Variants in DNAH17 observed in about 807,000 individuals in gnomAD.
DNAH17 encodes dynein axonemal heavy chain 17.
Under a neutral mutation model 485.6 loss-of-function variants are expected in DNAH17, and 376 were observed. That is an observed-to-expected ratio of 0.77 (90% CI 0.71 to 0.84). The LOEUF (loss-of-function observed/expected upper bound fraction) is 0.84. Ranked by LOEUF, DNAH17 falls within the 40% of genes least tolerant of loss-of-function variation. DNAH17 has a pLI of 0.00. For synonymous variants in DNAH17, 3,031 were observed against 2,405.9 expected (o/e 1.26, Z -7.60); for missense variants, 6,370 against 5,839.3 (o/e 1.09, Z -2.96).
At chr17:78,529,208 G>A (rs138089873) in intron 22 of DNAH17, among the ~76,000 whole-genome samples, 123 of 152,122 alleles carry the variant, frequency 8.1e-4, no homozygotes, top group African/African-American at 2.8e-3. Context: ...CCAAAGTGCT[G>A]GGATTACAAT....
rs768513590 is a variant in DNAH17 at position 78,426,453 on chromosome 17, T to C, written c.12915+4A>G. The C allele has an allele frequency of 2.5e-6, 4 of 1,594,208 alleles. No individual in the cohort carries two copies. Among genetic ancestry groups the C allele is most frequent in the Non-Finnish European group, 3.4e-6 (4 of 1,170,406 alleles). ...GGAAGCCTCTCAGAGAAAACGGCAC[T>C]TACCCTGATGCGGAGCAGCAGGTCT... On this transcript the variant is annotated splice_donor_region_variant and intron_variant, in intron 79 of 80. Coordinates refer to ENST00000389840, the MANE Select transcript of DNAH17 (RefSeq NM_173628.4).
intron 14 of DNAH17, among the ~76,000 whole-genome samples, chr17:78,553,455 C>G (rs1299845746): frequency 6.6e-6 from 1 of 152,016 alleles, no homozygotes; most frequent in Non-Finnish European, 1.5e-5. Context: ...GCATGCGCCA[C>G]CATGCCCAGC....
chr17:78,490,767 C>T lies in DNAH17; in HGVS notation c.6750G>A (p.Thr2250=), dbSNP rs200638287. ...RLVFEISHLR[T]ATPATVSRAG... ...CTCTGGAAACGGTGGCTGGGGTGGC[C>T]GTCCTCAGGTGGCTGATTTCGAACA... Residue 2250 remains threonine, a synonymous_variant, in exon 44 of 81, where the codon ACG becomes ACA. Transcript: ENST00000389840. 1.4e-4 allele frequency: 224 copies of T among 1,605,260 alleles called. 1 individual carries two copies. Among genetic ancestry groups the T allele is most frequent in the Middle Eastern group, 9.9e-4 (6 of 6,044 alleles).
chr17:78,468,478 C>T, intron 55 of DNAH17, 139 bp downstream of exon 55: 1 of 1,169,090 alleles, frequency 8.6e-7, no homozygotes, highest in Non-Finnish European at 1.2e-6. Context: ...GACAGCCCCA[C>T]CCCTCACACT....
At chr17:78,481,525 A>G (rs951068484) in intron 48 of DNAH17, among the ~76,000 whole-genome samples, 3 of 152,174 alleles carry the variant, frequency 2.0e-5, no homozygotes, top group Non-Finnish European at 2.9e-5. Context: ...TCTTCCCCTA[A>G]GCAGTGCTGG....
intron 37 of DNAH17, among the ~76,000 whole-genome samples, chr17:78,498,192 T>G (rs55687030): frequency 0.23 from 31,050 of 134,210 alleles, 3,423 homozygotes; most frequent in South Asian, 0.35. Flanking sequence ...AATAAATAAA[T>G]AAAGCAGGCT....
chr17:78,572,247 C>A (rs978949797), intron 3 of DNAH17, among the ~76,000 whole-genome samples: 3 of 123,312 alleles, frequency 2.4e-5, no homozygotes, highest in African/African-American at 3.5e-5. Context: ...CCTTGGAGTC[C>A]CTTGGGCTTC....
intron 6 of DNAH17, among the ~76,000 whole-genome samples, 184 bp downstream of exon 6, chr17:78,570,764 A>C (rs1001222117): frequency 6.9e-6 from 1 of 145,522 alleles, no homozygotes; most frequent in African/African-American, 2.5e-5. Flanking sequence ...AGGCAGAGGC[A>C]GGAGAATCCC....
chr17:78,477,702 G>T (rs1012332390), intron 51 of DNAH17, among the ~76,000 whole-genome samples: 3 of 152,168 alleles, frequency 2.0e-5, no homozygotes, highest in Admixed American at 1.3e-4. Flanking sequence ...GTGGGAGGAG[G>T]TGGGCATAAC....
At chr17:78,563,492 A>C (rs77645935) in intron 11 of DNAH17, among the ~76,000 whole-genome samples, 6,730 of 140,486 alleles carry the variant, frequency 0.048, 379 homozygotes, top group African/African-American at 0.14. Context: ...AAAAAACCCC[A>C]AAAACCTGAA....
intron 74 of DNAH17, among the ~76,000 whole-genome samples, chr17:78,435,251 G>A (rs948926242): frequency 3.3e-5 from 5 of 152,146 alleles, no homozygotes; most frequent in African/African-American, 7.2e-5. Context: ...GGAAGGCCTG[G>A]CGGGTGTCAC....
chr17:78,502,888 G>A lies in DNAH17; in HGVS notation c.5080C>T (p.Gln1694Ter), dbSNP rs1036039871. Reference sequence around the variant, plus strand: ...CCGAGCCCCCACCCGCCTCAGACCTGGGCTGGGTAGTCCAGGATCCACTGC... The same window carrying A: ...CCGAGCCCCCACCCGCCTCAGACCTAGGCTGGGTAGTCCAGGATCCACTGC... ...REQWILDYPA[Q>*]VALTCTQIWW... is the part of the protein sequence containing the mutation. The change falls in exon 32 of 81, where the codon CAG becomes TAG. Residue 1694 changes from glutamine to a stop codon, truncating the protein, a stop_gained and splice_region_variant. Coordinates refer to ENST00000389840, the MANE Select transcript of DNAH17 (RefSeq NM_173628.4). LOFTEE classifies it high-confidence loss of function. 3.7e-6 allele frequency: 6 copies of A among 1,613,764 alleles called. No individual in the cohort carries two copies. Among genetic ancestry groups the A allele is most frequent in the Non-Finnish European group, 5.1e-6 (6 of 1,179,858 alleles).
At chr17:78,482,818 C>G (rs1431770949) in intron 48 of DNAH17, among the ~76,000 whole-genome samples, 1 of 152,210 alleles carries the variant, frequency 6.6e-6, no homozygotes, top group Non-Finnish European at 1.5e-5. Context: ...AAACTCAAAT[C>G]TCACTCTGCC....
At position 78,485,608 on chromosome 17, in the gene DNAH17, G is replaced by A. The variant is rs757358144; in HGVS notation, c.7425C>T (p.Asp2475=). Residue 2475 remains aspartate, a synonymous_variant, in exon 47 of 81, where the codon GAC becomes GAT. Coordinates refer to ENST00000389840, the MANE Select transcript of DNAH17 (RefSeq NM_173628.4). ...MGDKLESLNT[D]NYLVQAVPFN... ...AGGGCACAGCCTGCACCAGGTAGTT[G>A]TCCGTGTTCAGGCTTTCCAGCTTGT... 6.2e-6 allele frequency: 10 copies of A among 1,613,894 alleles called. No individual in the cohort carries two copies. In the South Asian group the frequency reaches 8.8e-5, roughly 14 times the overall value.
At chr17:78,428,179 C>A (rs1456113587) in intron 77 of DNAH17, 2 of 382,404 alleles carry the variant, frequency 5.2e-6, no homozygotes, top group Non-Finnish European at 1.0e-5. Context: ...GTTGTGCTGG[C>A]CAGGCCAGGG....
At chr17:78,469,721 A>G (rs898714807) in intron 54 of DNAH17, among the ~76,000 whole-genome samples, 1 of 152,246 alleles carries the variant, frequency 6.6e-6, no homozygotes, top group African/African-American at 2.4e-5. Flanking sequence ...CATCTGTGCA[A>G]TGGAATATGA....
chr17:78,511,580 G>A lies in DNAH17; in HGVS notation c.4114-1074C>T, dbSNP rs368414118. Among the ~76,000 whole-genome samples, 170 of 152,322 alleles carry A rather than the reference G, an allele frequency of 1.1e-3. 1 individual carries two copies. Among genetic ancestry groups the A allele is most frequent in the African/African-American group, 2.9e-3 (119 of 41,570 alleles). Reference sequence around the variant, plus strand: ...TACCAGATCACCGTTAGTCTAGTACGAACATACCAGGTACTTGCCTAGTGC... The same window carrying A: ...TACCAGATCACCGTTAGTCTAGTACAAACATACCAGGTACTTGCCTAGTGC... On this transcript the variant is annotated intron_variant, in intron 26 of 80. Transcript: ENST00000389840.
At chr17:78,498,925 G>A (rs2146705717) in intron 37 of DNAH17, 83 bp downstream of exon 37, 2 of 1,073,340 alleles carry the variant, frequency 1.9e-6, no homozygotes, top group East Asian at 2.8e-5. Flanking sequence ...GGCAAGGAGG[G>A]TCTATCTGGC....
chr17:78,453,543 C>T, intron 64 of DNAH17, 78 bp from the exon 65 acceptor site: 3 of 1,575,468 alleles, frequency 1.9e-6, no homozygotes, highest in Non-Finnish European at 1.7e-6. Context: ...ACCAGCAGCC[C>T]CTGCCCTCTG....
Sources: gnomAD v4.1 joint callset for allele counts (sites outside exome capture counted in the v4.1 genomes callset) on GRCh38, gnomAD v4.1.1 for gene constraint, MANE v1.5 for transcripts, NCBI Gene and HGNC (gene_info 2026-07-23, HGNC 2026-07-21) for gene names.